The following NEB variants were observed in gnomAD, a reference collection of about 807,000 sequenced individuals.
The protein encoded by NEB is nemaline myopathy type 2.
Under a neutral mutation model 952.2 loss-of-function variants are expected in NEB, and 512 were observed. The observed-to-expected ratio is 0.54, with a 90% confidence interval of 0.50 to 0.58. The LOEUF (loss-of-function observed/expected upper bound fraction) is 0.58. NEB is among the 20% of genes least tolerant of loss of function. The pLI is 0.00. For missense variants in NEB, 8,428 were observed against 9,231.1 expected (o/e 0.91, Z 3.56); for synonymous variants, 2,900 against 3,149.8 (o/e 0.92, Z 2.66).
chr2:151,629,968 A>G (rs763159083), intron 67 of NEB, among the ~76,000 whole-genome samples: 51 of 152,220 alleles, frequency 3.4e-4, no homozygotes, highest in Non-Finnish European at 6.0e-4. Flanking sequence ...CAGATTGATG[A>G]GCAAAGCAGC....
intron 30 of NEB, among the ~76,000 whole-genome samples, 196 bp downstream of exon 30, chr2:151,680,534 G>A (rs1157958986): frequency 6.6e-6 from 1 of 152,168 alleles, no homozygotes; most frequent in Non-Finnish European, 1.5e-5. Context: ...TAAAAGGACA[G>A]TCAGCACAAT....
At chr2:151,552,521 C>T in intron 128 of NEB, 151 bp downstream of exon 128, 1 of 584,442 alleles carries the variant, frequency 1.7e-6, no homozygotes, top group Non-Finnish European at 3.1e-6. Flanking sequence ...AAACAATAGC[C>T]AGCAGCATCT....
At position 151,609,842 on chromosome 2, in the gene NEB, G is replaced by A; in HGVS notation, c.12297C>T (p.Ile4099=). 1 of 1,598,296 alleles carries A rather than the reference G, an allele frequency of 6.3e-7. No individual in the cohort carries two copies. ...GCAGGTCATAGGCCTTTTTTGCTTG[G>A]ATAATGTCGTTTTGATCCGGCATGC... ...WTCMPDQNDI[I]QAKKAYDLQS... The change falls in exon 81 of 182, where the codon ATC becomes ATT. Residue 4099 remains isoleucine (I), a synonymous_variant. Coordinates refer to ENST00000397345, the MANE Select transcript of NEB (RefSeq NM_001164508.2).
intron 76 of NEB, among the ~76,000 whole-genome samples, chr2:151,615,222 G>C (rs2153997464): frequency 6.6e-6 from 1 of 152,298 alleles, no homozygotes; most frequent in South Asian, 2.1e-4. Context: ...TACGGTGTGT[G>C]TCCTTAACCT....
intron 165 of NEB, 58 bp downstream of exon 165, chr2:151,505,420 G>C (rs1422258434): frequency 7.2e-7 from 1 of 1,380,262 alleles, no homozygotes; most frequent in South Asian, 1.2e-5. Flanking sequence ...GAGAGCACCA[G>C]GGTAGCAATT....
rs774804762 is a variant in NEB, at chr2:151,529,275, A to T, written c.21670T>A (p.Cys7224Ser). ...KEVYQRNKSN[C>S]TIEPDAVHIK... ...TGAACAGCATCTGGCTCAATGGTGCAGTTGGATTTATTTCTTTGGTATACT... is the reference window on the plus strand; with the variant it reads ...TGAACAGCATCTGGCTCAATGGTGCTGTTGGATTTATTTCTTTGGTATACT... Residue 7224 changes from cysteine to serine, a missense_variant, in exon 146 of 182, where the codon TGC becomes AGC. Coordinates refer to ENST00000397345, the MANE Select transcript of NEB (RefSeq NM_001164508.2). 6.2e-7 allele frequency: 1 copy of T among 1,613,604 alleles called. No homozygotes were observed. Among genetic ancestry groups the T allele is most frequent in the Admixed American group, 1.7e-5 (1 of 60,026 alleles).
chr2:151,490,660 T>TA, intron 179 of NEB, 142 bp from the exon 180 acceptor site: 1 of 1,000,614 alleles, frequency 1.0e-6, no homozygotes, highest in Non-Finnish European at 1.5e-6. Context: ...CCCTCACAGT[T>TA]ATTCTGATGT....
chr2:151,732,171 G>A (rs1418248374), intron 3 of NEB, among the ~76,000 whole-genome samples: 3 of 152,048 alleles, frequency 2.0e-5, no homozygotes, highest in Non-Finnish European at 2.9e-5. Context: ...GCCTCCAAGT[G>A]CCTTAGGCAT....
chr2:151,534,927 T>C (rs2092783768), intron 142 of NEB, among the ~76,000 whole-genome samples: 1 of 152,258 alleles, frequency 6.6e-6, no homozygotes, highest in African/African-American at 2.4e-5. Context: ...TACATTTAAG[T>C]AAATATACCA....
intron 52 of NEB, among the ~76,000 whole-genome samples, chr2:151,651,802 G>A (rs1038925104): frequency 8.5e-5 from 13 of 152,184 alleles, no homozygotes; most frequent in African/African-American, 2.9e-4. Flanking sequence ...AAAATATTCA[G>A]GAGTTTAAGT....
intron 105 of NEB, among the ~76,000 whole-genome samples, chr2:151,578,385 A>T (rs1225092573): frequency 6.6e-6 from 1 of 151,156 alleles, no homozygotes; most frequent in East Asian, 1.9e-4. Context: ...GACCATGGAC[A>T]TTCTTCTGTT....
At chr2:151,664,978 A>G in intron 42 of NEB, 115 bp from the exon 43 acceptor site, 2 of 766,704 alleles carry the variant, frequency 2.6e-6, no homozygotes, top group Non-Finnish European at 4.1e-6. Context: ...ATATTAGAAA[A>G]TGGATGAAAT....
rs568113302 is a variant in NEB, at chr2:151,547,742, C to A, written c.20158-4G>T. The A allele has an allele frequency of 6.8e-6, 11 of 1,607,212 alleles. No individual in the cohort carries two copies. The African/African-American group carries it at 9.4e-5, about 14-fold the overall frequency. ...GGTACAATTCCCGATACAGTCTCTA[C>A]GTTGGAGGAAATATCATTACAGGCA... On this transcript the variant is annotated splice_region_variant and splice_polypyrimidine_tract_variant and intron_variant, in intron 131 of 181. Transcript: ENST00000397345.
chr2:151,673,733 T>C (rs1188843430), intron 36 of NEB, among the ~76,000 whole-genome samples: 2 of 10,554 alleles, frequency 1.9e-4, no homozygotes, highest in Admixed American at 7.2e-3. Flanking sequence ...TTTCTTTTTC[T>C]TTTTTTTTTT....
chr2:151,497,532 T>A (rs2061047201), intron 171 of NEB, 94 bp downstream of exon 171: 4 of 1,505,130 alleles, frequency 2.7e-6, no homozygotes, highest in Non-Finnish European at 3.5e-6. Flanking sequence ...ATTTAAGTTG[T>A]CTTTAAAAAG....
intron 20 of NEB, among the ~76,000 whole-genome samples, chr2:151,693,364 T>C (rs2099573110): frequency 6.6e-6 from 1 of 152,134 alleles, no homozygotes. Context: ...GATCATCCTG[T>C]CACCTAGGAA....
chr2:151,601,323 G>T (rs2097525554), intron 88 of NEB, among the ~76,000 whole-genome samples: 2 of 142,046 alleles, frequency 1.4e-5, no homozygotes, highest in African/African-American at 5.4e-5. Flanking sequence ...TGGCCAGGCT[G>T]GTCTCGAACT....
chr2:151,568,132 A>C lies in NEB; in HGVS notation c.17783T>G (p.Ile5928Ser), dbSNP rs764543080. Residue 5928 changes from isoleucine (I) to serine (S), a missense_variant, in exon 113 of 182, where the codon ATT becomes AGT. By Grantham distance (142) the Ile-to-Ser change is moderately radical. This residue lies in a region of NEB where 3,374 missense variants were observed against 3,651.5 expected (regional missense o/e 0.92). Transcript: ENST00000397345. The part of the protein sequence containing the change: ...GWERQKATGY[I>S]LPPDAVPFVH... ...AAATGGCACAGCATCTGGAGGCAAA[A>C]TGTAACCTGTGGCTTTTTGTCTCTC... 6.2e-7 allele frequency: 1 copy of C among 1,613,644 alleles called. No individual in the cohort carries two copies. Among genetic ancestry groups the C allele is most frequent in the Non-Finnish European group, 8.5e-7 (1 of 1,179,786 alleles).
intron 8 of NEB, 30 bp from the exon 9 acceptor site, chr2:151,723,516 G>A (rs1177044181): frequency 2.7e-6 from 4 of 1,485,428 alleles, no homozygotes; most frequent in Non-Finnish European, 3.7e-6. Flanking sequence ...AAAGTTAGGA[G>A]GAAGTAGGGT....
Sources: gnomAD v4.1 joint callset for allele counts (sites outside exome capture counted in the v4.1 genomes callset) on GRCh38, gnomAD v4.1.1 for gene constraint, gnomAD v4.1.1 regional missense constraint, MANE v1.5 for transcripts, NCBI Gene and HGNC (gene_info 2026-07-23, HGNC 2026-07-21) for gene names.